Variants in FGF12 observed in about 807,000 individuals in gnomAD.
FGF12 encodes fibroblast growth factor 12B.
Under a neutral mutation model 23.6 loss-of-function variants are expected in FGF12, and 14 were observed. The ratio of observed to expected loss-of-function variants is 0.59; its 90% CI spans 0.39 to 0.93. FGF12 has a LOEUF of 0.93. Among genes scored for constraint, FGF12 ranks in the 40% least tolerant of loss-of-function variants. The probability of loss-of-function intolerance (pLI) is 0.00; values close to 1 mark genes in which losing one functional copy is unlikely to be tolerated. For synonymous variants in FGF12, 62 were observed against 77.3 expected, an observed-to-expected ratio of 0.80 and a Z score of 1.04; for missense variants, 175 against 217.8, an observed-to-expected ratio of 0.80 and a Z score of 1.24.
At position 192,714,618 on chromosome 3, in the gene FGF12, A is replaced by C. The variant is rs890083679; in HGVS notation, c.13+12563T>G. The stretch of plus-strand genomic sequence containing the variant: ...ACTGCAAGCTCCGCCTCCCGGGTTC[A>C]CGCCATTCTCCTGCCTCAGCCTCCC... On this transcript the variant is annotated intron_variant, in intron 2 of 5. Transcript: ENST00000445105. Among the ~76,000 whole-genome samples the C allele has an allele frequency of 2.3e-3, 332 of 143,704 alleles. 2 individuals are homozygous for C. The highest frequency in any genetic ancestry group is 8.3e-3 in the African/African-American group (313 of 37,926). 94.3% of individuals were successfully genotyped at this position (143,704 alleles called of 152,430 possible).
chr3:192,427,972 TGA>T (rs1305763160), intron 2 of FGF12, among the ~76,000 whole-genome samples: 6 of 152,248 alleles, frequency 3.9e-5, no homozygotes, highest in Admixed American at 1.3e-4. Context: ...AACCTGCCAC[TGA>T]GAATGTCTTA....
intron 2 of FGF12, among the ~76,000 whole-genome samples, chr3:192,380,482 G>A (rs1287255491): frequency 6.6e-6 from 1 of 152,100 alleles, no homozygotes; most frequent in Non-Finnish European, 1.5e-5. Context: ...AGTATAGATG[G>A]TGGCTAATAG....
intron 4 of FGF12, among the ~76,000 whole-genome samples, chr3:192,226,985 C>T (rs962124693): frequency 3.3e-5 from 5 of 151,982 alleles, no homozygotes; most frequent in Admixed American, 6.6e-5. Flanking sequence ...GCCCTCCTTC[C>T]GTGGGAGGAT....
intron 4 of FGF12, among the ~76,000 whole-genome samples, chr3:192,252,640 TGCC>T (rs976710824): frequency 1.3e-5 from 2 of 152,012 alleles, no homozygotes; most frequent in African/African-American, 4.8e-5. Context: ...AAGTACTTTC[TGCC>T]GCCAACTCTT....
chr3:192,521,513 G>A (rs1040016064), intron 2 of FGF12: 4 of 152,144 alleles, frequency 2.6e-5, no homozygotes, highest in African/African-American at 9.7e-5. Context: ...AAATACTTAT[G>A]AATGTCAAGG....
At chr3:192,430,127 G>A (rs943214458) in intron 2 of FGF12, among the ~76,000 whole-genome samples, 41 of 152,062 alleles carry the variant, frequency 2.7e-4, no homozygotes, top group African/African-American at 9.9e-4. Context: ...GCAACTCAAT[G>A]TCCATTGATG....
intron 4 of FGF12, among the ~76,000 whole-genome samples, chr3:192,319,402 T>C (rs1454831715): frequency 6.6e-6 from 1 of 151,848 alleles, no homozygotes; most frequent in East Asian, 1.9e-4. Flanking sequence ...TTCAAGACCA[T>C]CCTGGCCAAC....
chr3:192,249,736 G>A (rs375796381), intron 4 of FGF12, among the ~76,000 whole-genome samples: 2 of 152,254 alleles, frequency 1.3e-5, no homozygotes, highest in South Asian at 4.1e-4. Flanking sequence ...TCCTCTGGTG[G>A]CACTTTGCCT....
chr3:192,709,882 G>A (rs1222794240), intron 2 of FGF12, among the ~76,000 whole-genome samples: 1 of 152,200 alleles, frequency 6.6e-6, no homozygotes, highest in Non-Finnish European at 1.5e-5. Flanking sequence ...TGATAGCATG[G>A]AAGGTTCATG....
chr3:192,712,928 G>A (rs964926239), intron 2 of FGF12, among the ~76,000 whole-genome samples: 2 of 152,114 alleles, frequency 1.3e-5, no homozygotes, highest in Non-Finnish European at 1.5e-5. Flanking sequence ...GGTTCTGAGG[G>A]ATATTACTTC....
intron 5 of FGF12, among the ~76,000 whole-genome samples, chr3:192,158,675 T>TCCCTCC (rs58036569): frequency 0.49 from 30,489 of 62,020 alleles, 7,352 homozygotes; most frequent in Non-Finnish European, 0.55. Flanking sequence ...CCTCCCTCCC[T>TCCCTCC]CTCTCTCTCT....
intron 4 of FGF12, among the ~76,000 whole-genome samples, chr3:192,316,272 C>T (rs1036184728): frequency 6.6e-6 from 1 of 151,130 alleles, no homozygotes; most frequent in Non-Finnish European, 1.5e-5. Context: ...ACTACCTACA[C>T]AAAAAAAAAT....
rs114369926 is a variant in FGF12, at chr3:192,542,875, C to T, written c.14-182337G>A. 3.3e-3 allele frequency among the ~76,000 whole-genome samples: 504 copies of T among 152,238 alleles called. 3 individuals are homozygous for T. The highest frequency in any genetic ancestry group is 0.012 in the African/African-American group (484 of 41,558). ...TTCTCCCAAACAGCTCAGCTCTGTG[C>T]TGAGCTAACTAGGCTAGAAGAGAGG... is the stretch of plus-strand genomic sequence containing the variant. On this transcript the variant is annotated intron_variant, in intron 2 of 5. Coordinates refer to ENST00000445105, the MANE Select transcript of FGF12 (RefSeq NM_004113.6).
At chr3:192,264,224 C>T (rs1207688297) in intron 4 of FGF12, among the ~76,000 whole-genome samples, 1 of 152,084 alleles carries the variant, frequency 6.6e-6, no homozygotes, top group Non-Finnish European at 1.5e-5. Context: ...AATAAATATT[C>T]TCCAAGCACA....
intron 2 of FGF12, among the ~76,000 whole-genome samples, chr3:192,558,681 A>G (rs1577053284): frequency 6.6e-6 from 1 of 152,000 alleles, no homozygotes; most frequent in East Asian, 1.9e-4. Context: ...TGGAAGCTTC[A>G]TACTTCCTGA....
At chr3:192,554,373 A>G (rs1711666421) in intron 2 of FGF12, among the ~76,000 whole-genome samples, 2 of 152,204 alleles carry the variant, frequency 1.3e-5, no homozygotes, top group Admixed American at 6.5e-5. Flanking sequence ...AGAGCAAAAG[A>G]GAGCTAGGCA....
chr3:192,243,958 C>T (rs1178572533), intron 4 of FGF12, among the ~76,000 whole-genome samples: 1 of 152,034 alleles, frequency 6.6e-6, no homozygotes, highest in Non-Finnish European at 1.5e-5. Context: ...CAGCTATTGG[C>T]TATTCTCCTA....
intron 2 of FGF12, among the ~76,000 whole-genome samples, chr3:192,719,752 C>A (rs1718977608): frequency 6.8e-6 from 1 of 146,480 alleles, no homozygotes; most frequent in African/African-American, 2.5e-5. Flanking sequence ...GTATCTAACC[C>A]CAATTTATTA....
chr3:192,606,133 A>T (rs1264392223), intron 2 of FGF12, among the ~76,000 whole-genome samples: 1 of 152,264 alleles, frequency 6.6e-6, no homozygotes, highest in Non-Finnish European at 1.5e-5. Context: ...GATGTCCATC[A>T]ATGGTGGACT....
Sources: gnomAD v4.1 joint callset for allele counts (sites outside exome capture counted in the v4.1 genomes callset) on GRCh38, gnomAD v4.1.1 for gene constraint, MANE v1.5 for transcripts, NCBI Gene and HGNC (gene_info 2026-07-23, HGNC 2026-07-21) for gene names.